Variants in ZFPM1 observed in about 807,000 individuals in gnomAD.
ZFPM1 encodes the protein zinc finger protein, FOG family member 1, also known as zinc finger protein ZFPM1.
Under a neutral mutation model 46.3 loss-of-function variants are expected in ZFPM1, and 28 were observed. That is an observed-to-expected ratio of 0.60 (90% CI 0.45 to 0.83). The LOEUF is 0.83. Ranked by LOEUF, ZFPM1 falls within the 40% of genes least tolerant of loss-of-function variation. ZFPM1 has a pLI of 0.00. For synonymous variants in ZFPM1, 957 were observed against 675.9 expected, an observed-to-expected ratio of 1.42 and a Z score of -6.45; for missense variants, 1,878 against 1,432.4, an observed-to-expected ratio of 1.31 and a Z score of -5.02.
chr16:88,474,575 T>G lies in ZFPM1; in HGVS notation c.41-11364T>G, dbSNP rs1908586474. Among the ~76,000 whole-genome samples the G allele has an allele frequency of 2.0e-5, 3 of 152,040 alleles. No homozygotes were observed. In the South Asian group the frequency reaches 6.2e-4, roughly 32 times the overall value. The stretch of plus-strand genomic sequence containing the variant: ...TGGGCCGTGCAGGGCTCCGTCCCAC[T>G]TCGGGGGGCGGGGGGCTCTGTCTTC... On this transcript the variant is annotated intron_variant, in intron 1 of 9. Transcript: ENST00000319555.
intron 3 of ZFPM1, among the ~76,000 whole-genome samples, chr16:88,496,081 A>C (rs1342790766): frequency 6.6e-6 from 1 of 152,170 alleles, no homozygotes; most frequent in Non-Finnish European, 1.5e-5. Context: ...TCCATCCCAG[A>C]GTCCTCTGGA....
chr16:88,507,720 G>A (rs1270411812), intron 3 of ZFPM1, among the ~76,000 whole-genome samples: 1 of 152,196 alleles, frequency 6.6e-6, no homozygotes, highest in African/African-American at 2.4e-5. Flanking sequence ...CCGCATGGCT[G>A]TGGGAAAGGC....
intron 3 of ZFPM1, among the ~76,000 whole-genome samples, chr16:88,505,572 C>T (rs1389807937): frequency 6.6e-6 from 1 of 152,184 alleles, no homozygotes; most frequent in Non-Finnish European, 1.5e-5. Context: ...GCCGGCATCG[C>T]CCTCCGCACG....
Position 88,534,614 on chromosome 16 carries a change from G to A in ZFPM1, c.2656G>A (p.Ala886Thr). The A allele has an allele frequency of 2.6e-6, 3 of 1,148,376 alleles. No homozygotes were observed. Among genetic ancestry groups the A allele is most frequent in the Non-Finnish European group, 3.2e-6 (3 of 935,960 alleles). The allele number at this position is 1,148,376 out of a possible 1,614,324, so 71.1% of individuals were successfully genotyped here. ...AHGLLLGAPL[A>T]GPGVEARTPA... is the part of the protein sequence containing the mutation. Reference sequence around the variant, plus strand: ...CGGCCTGCTGCTCGGCGCGCCCCTGGCCGGCCCGGGGGTCGAGGCCCGGAC... The same window carrying A: ...CGGCCTGCTGCTCGGCGCGCCCCTGACCGGCCCGGGGGTCGAGGCCCGGAC... The change falls in exon 10 of 10, where the codon GCC becomes ACC. Residue 886 changes from alanine (A) to threonine (T), a missense_variant. Physicochemically the swap from Ala to Thr is moderately conservative, Grantham distance 58 (BLOSUM62 0). Coordinates refer to ENST00000319555, the MANE Select transcript of ZFPM1 (RefSeq NM_153813.3).
intron 4 of ZFPM1, chr16:88,516,023 G>A: frequency 2.5e-6 from 1 of 397,828 alleles, no homozygotes; most frequent in Non-Finnish European, 4.4e-6. Context: ...GAGATTGGAG[G>A]GCTCTGTGAG....
At chr16:88,501,433 G>C (rs1910303812) in intron 3 of ZFPM1, among the ~76,000 whole-genome samples, 1 of 133,116 alleles carries the variant, frequency 7.5e-6, no homozygotes, top group African/African-American at 3.0e-5. Flanking sequence ...AGACATGGAT[G>C]CGGGGGCCAT....
Position 88,535,195 on chromosome 16 carries a change from C to G in ZFPM1, c.*216C>G. The G allele has an allele frequency of 2.2e-6, 1 of 460,742 alleles. No individual in the cohort carries two copies. The highest frequency in any genetic ancestry group is 3.5e-6 in the Non-Finnish European group (1 of 288,626). 28.5% of individuals were successfully genotyped at this position (460,742 alleles called of 1,614,324 possible). A position where few individuals can be genotyped will look rare whatever the true frequency, so the allele number is the denominator to read the frequency against. On this transcript the variant is annotated 3_prime_UTR_variant, in exon 10 of 10. Coordinates refer to ENST00000319555, the MANE Select transcript of ZFPM1 (RefSeq NM_153813.3). ...TGGTGGGCCAGCCTAGTTCTCTGAG[C>G]CAGCAGGCACACGCAGCCAGTGTCA...
intron 3 of ZFPM1, among the ~76,000 whole-genome samples, chr16:88,500,600 C>T (rs893412195): frequency 6.6e-6 from 1 of 152,278 alleles, no homozygotes; most frequent in Non-Finnish European, 1.5e-5. Context: ...AGGACTGTTG[C>T]TGCCAGCAGT....
intron 1 of ZFPM1, among the ~76,000 whole-genome samples, chr16:88,475,092 C>T (rs971400479): frequency 6.6e-6 from 1 of 152,372 alleles, no homozygotes; most frequent in East Asian, 1.9e-4. Context: ...GCTTCATAAA[C>T]TGTGAAGGGC....
Position 88,532,249 on chromosome 16 carries a change from CCGGACG to C in ZFPM1, c.946+18_946+23del, listed in dbSNP as rs747275169. 1 of 1,580,160 alleles carries C rather than the reference CCGGACG, an allele frequency of 6.3e-7. No homozygotes were observed. The highest frequency in any genetic ancestry group is 1.1e-5 in the South Asian group (1 of 88,128). ...GCAGCCACAGCGGTGAGCCCCCACCCCGGACGCGGGTCCTCAGGATGCCGGCTGCTT... is the reference window on the plus strand; with the variant it reads ...GCAGCCACAGCGGTGAGCCCCCACCCCGGGTCCTCAGGATGCCGGCTGCTT... On this transcript the variant is annotated intron_variant, in intron 7 of 9. Coordinates refer to ENST00000319555, the MANE Select transcript of ZFPM1 (RefSeq NM_153813.3).
chr16:88,533,718 G>A lies in ZFPM1; in HGVS notation c.1760G>A (p.Ser587Asn). ...ATCFECEITF[S>N]NVNNYYVHKR... ...TGCTTCGAGTGCGAGATCACCTTCA[G>A]CAACGTCAACAACTACTACGTGCAC... The change falls in exon 10 of 10, where the codon AGC becomes AAC. Residue 587 changes from serine (S) to asparagine (N), a missense_variant. Coordinates refer to ENST00000319555, the MANE Select transcript of ZFPM1 (RefSeq NM_153813.3). 6.7e-7 allele frequency: 1 copy of A among 1,490,422 alleles called. No homozygotes were observed. The allele number at this position is 1,490,422 out of a possible 1,614,324, so 92.3% of individuals were successfully genotyped here. A position where few individuals can be genotyped will look rare whatever the true frequency, so the allele number is the denominator to read the frequency against.
intron 1 of ZFPM1, among the ~76,000 whole-genome samples, chr16:88,454,077 C>A (rs989194011): frequency 1.3e-5 from 2 of 152,360 alleles, no homozygotes; most frequent in East Asian, 1.9e-4. Context: ...TAAGATCGTT[C>A]TGTCGGGACG....
At chr16:88,468,652 A>C (rs1908271320) in intron 1 of ZFPM1, among the ~76,000 whole-genome samples, 1 of 152,098 alleles carries the variant, frequency 6.6e-6, no homozygotes, top group African/African-American at 2.4e-5. Context: ...GGCTGGGACC[A>C]GTCACCCAGA....
chr16:88,452,812 G>T (rs989321243), upstream of ZFPM1, among the ~76,000 whole-genome samples: 1 of 152,196 alleles, frequency 6.6e-6, no homozygotes, highest in Non-Finnish European at 1.5e-5. Context: ...AGGCGGAGCT[G>T]GCGCCGAGAG....
chr16:88,489,774 G>A (rs919172226), intron 3 of ZFPM1, among the ~76,000 whole-genome samples: 3 of 152,228 alleles, frequency 2.0e-5, no homozygotes, highest in Admixed American at 6.5e-5. Context: ...TGGCCCCTTC[G>A]GGGACTGTGA....
intron 3 of ZFPM1, among the ~76,000 whole-genome samples, chr16:88,503,389 ACGG>A: frequency 2.6e-5 from 3 of 116,484 alleles, no homozygotes; most frequent in East Asian, 5.4e-4. Flanking sequence ...CTGGGGGGCC[ACGG>A]TTCCTGAGTG....
At chr16:88,474,615 G>A (rs974795929) in intron 1 of ZFPM1, among the ~76,000 whole-genome samples, 6 of 152,102 alleles carry the variant, frequency 3.9e-5, no homozygotes, top group African/African-American at 1.2e-4. Flanking sequence ...CTCTCTGCCC[G>A]GAGCTCTTCT....
At chr16:88,481,446 C>T (rs1486934569) in intron 1 of ZFPM1, among the ~76,000 whole-genome samples, 3 of 151,672 alleles carry the variant, frequency 2.0e-5, no homozygotes, top group Admixed American at 6.6e-5. Flanking sequence ...GCCTCCTCGC[C>T]GGGGGCCGTG....
intron 1 of ZFPM1, among the ~76,000 whole-genome samples, chr16:88,466,419 T>G (rs1315092160): frequency 6.6e-6 from 1 of 152,218 alleles, no homozygotes; most frequent in East Asian, 1.9e-4. Context: ...GGCTTCTGGC[T>G]TAGAGTCTAG....
Sources: gnomAD v4.1 joint callset for allele counts (sites outside exome capture counted in the v4.1 genomes callset) on GRCh38, gnomAD v4.1.1 for gene constraint, MANE v1.5 for transcripts, NCBI Gene and HGNC (gene_info 2026-07-23, HGNC 2026-07-21) for gene names.